JMJD1C: variants seen among roughly 807,000 people sequenced by gnomAD.
The protein encoded by JMJD1C is jumonji domain-containing protein 1C.
In JMJD1C, 31 loss-of-function variants were observed where a neutral mutation model predicts 245.3. That is an observed-to-expected ratio of 0.13 (90% CI 0.09 to 0.17). The LOEUF (loss-of-function observed/expected upper bound fraction) is 0.17. Ranked by LOEUF, JMJD1C falls within the 10% of genes least tolerant of loss-of-function variation. The pLI, the probability that JMJD1C is intolerant of heterozygous loss-of-function variation, is 1.00. For synonymous variants in JMJD1C, 1,057 were observed against 1,017.4 expected (o/e 1.04, Z -0.74); for missense variants, 2,691 against 3,000.2 (o/e 0.90, Z 2.41).
At chr10:63,337,598 G>GAA (rs200743415) in intron 2 of JMJD1C, among the ~76,000 whole-genome samples, 1 of 104,248 alleles carries the variant, frequency 9.6e-6, no homozygotes, top group African/African-American at 6.0e-5. Context: ...GAAAAGAAAA[G>GAA]AAAAGAAAAG....
exon 1 of JMJD1C, chr10:63,521,801 TGCGACGGCGGCG>T: frequency 3.3e-6 from 1 of 301,210 alleles, no homozygotes; most frequent in East Asian, 5.2e-5. Flanking sequence ...CGACTGCGGC[TGCGACGGCGGCG>T]GCGGCTGTGG....
intron 3 of JMJD1C, among the ~76,000 whole-genome samples, chr10:63,257,064 T>C (rs1309194512): frequency 1.3e-5 from 2 of 151,776 alleles, no homozygotes; most frequent in African/African-American, 4.8e-5. Flanking sequence ...GGTGAAACCC[T>C]GTCTCTACTA....
At chr10:63,504,367 G>A (rs560602766) in intron 1 of JMJD1C, among the ~76,000 whole-genome samples, 2 of 152,250 alleles carry the variant, frequency 1.3e-5, no homozygotes, top group South Asian at 2.1e-4. Context: ...GTGATTAGGT[G>A]GTTAGGTGAG....
At chr10:63,337,634 G>GAAAAAGAAAAGAAAAGAAAAA (rs1942968429) in intron 2 of JMJD1C, among the ~76,000 whole-genome samples, 2 of 142,540 alleles carry the variant, frequency 1.4e-5, no homozygotes, top group Admixed American at 6.9e-5. Context: ...AAAAAGAAAA[G>GAAAAAGAAAAGAAAAGAAAAA]AAAAAAAATC....
intron 10 of JMJD1C, chr10:63,204,328 GA>G (rs1453597600): frequency 8.1e-6 from 8 of 984,904 alleles, no homozygotes; most frequent in Non-Finnish European, 8.4e-6. Context: ...CAACCTGGGG[GA>G]AAAAAAGGCA....
chr10:63,286,647 C>T (rs1589388175), intron 2 of JMJD1C, among the ~76,000 whole-genome samples: 1 of 152,220 alleles, frequency 6.6e-6, no homozygotes, highest in African/African-American at 2.4e-5. Flanking sequence ...TTAAACTTTA[C>T]CCAATTATAC....
chr10:63,457,637 A>G (rs990119407), intron 1 of JMJD1C, among the ~76,000 whole-genome samples: 2 of 152,218 alleles, frequency 1.3e-5, no homozygotes, highest in African/African-American at 2.4e-5. Flanking sequence ...GACTTAAACC[A>G]TAGGGCTATA....
intron 1 of JMJD1C, among the ~76,000 whole-genome samples, chr10:63,493,726 T>C (rs1954256925): frequency 6.6e-6 from 1 of 152,198 alleles, no homozygotes; most frequent in South Asian, 2.1e-4. Context: ...ATGTTCTCTT[T>C]TTGAACATAA....
At chr10:63,341,777 G>A (rs910371096) in intron 2 of JMJD1C, among the ~76,000 whole-genome samples, 3 of 152,156 alleles carry the variant, frequency 2.0e-5, no homozygotes, top group Non-Finnish European at 4.4e-5. Context: ...TGCGACCAGG[G>A]TATCTTTAGA....
chr10:63,219,743 T>C, intron 4 of JMJD1C, 135 bp downstream of exon 4: 1 of 541,292 alleles, frequency 1.8e-6, no homozygotes, highest in Non-Finnish European at 3.4e-6. Flanking sequence ...TCTGCTATTA[T>C]TTTCCTGGAT....
rs1213838205 is a variant in JMJD1C at position 63,492,146 on chromosome 10, G to A, written n.113+29592C>T. ...CCTCCTGGGCTCAAGGGATCCTCCC[G>A]CCTCAGCCCCGGAAGCAGCTGGGAC... On this transcript the variant is annotated intron_variant and non_coding_transcript_variant, in intron 1 of 3. Coordinates refer to the JMJD1C transcript ENST00000633035. Among the ~76,000 whole-genome samples the A allele has an allele frequency of 3.3e-5, 5 of 152,194 alleles. No individual in the cohort carries two copies. In the East Asian group the frequency reaches 7.7e-4, roughly 23 times the overall value.
chr10:63,318,613 T>A (rs1206918973), intron 2 of JMJD1C, among the ~76,000 whole-genome samples: 1 of 152,092 alleles, frequency 6.6e-6, no homozygotes, highest in Non-Finnish European at 1.5e-5. Context: ...TGTCCAGAAC[T>A]CTTACGTAAG....
rs113424204 is a variant in JMJD1C at position 63,254,238 on chromosome 10, C to T, written c.447+10413G>A. 8.9e-3 allele frequency among the ~76,000 whole-genome samples: 1,342 copies of T among 151,600 alleles called. 15 individuals carry two copies. The highest frequency in any genetic ancestry group is 0.037 in the South Asian group (179 of 4,796). ...AAAACAGCAAAACAAAACTAGACAG[C>T]TGAAAAAAAAGAGACTAGAAAACAT... On this transcript the variant is annotated intron_variant, in intron 3 of 25. Transcript: ENST00000399262.
chr10:63,207,378 C>T lies in JMJD1C; in HGVS notation c.4291G>A (p.Glu1431Lys), dbSNP rs1257805799. The T allele has an allele frequency of 4.3e-6, 7 of 1,613,898 alleles. No individual in the cohort carries two copies. Among genetic ancestry groups the T allele is most frequent in the Non-Finnish European group, 5.9e-6 (7 of 1,180,036 alleles). ...CTGACACTTTTTGAAGATACACATT[C>T]TGATGATGTAGAGGCCAAAATGGTA... ...SNTILASTSS[E>K]CVSSKSVSQP... Residue 1431 changes from glutamate to lysine, a missense_variant, in exon 10 of 26, where the codon GAA becomes AAA. Around this residue, in one of 9 missense-constraint regions of JMJD1C, gnomAD observed 1,562 missense variants for 1,490.7 expected, o/e 1.05. Transcript: ENST00000399262.
chr10:63,380,588 C>T (rs1285969821), intron 1 of JMJD1C, 106 bp from the exon 2 acceptor site: 4 of 769,928 alleles, frequency 5.2e-6, no homozygotes, highest in African/African-American at 3.5e-5. Flanking sequence ...CATATGATAT[C>T]GTGATACATG....
chr10:63,249,284 T>C (rs914796131), intron 3 of JMJD1C, among the ~76,000 whole-genome samples: 7 of 152,036 alleles, frequency 4.6e-5, no homozygotes, highest in East Asian at 3.9e-4. Context: ...CCATTGCACT[T>C]CAGCCTGGGT....
In JMJD1C at chr10:63,217,274, T is replaced by C; in HGVS notation, c.611A>G (p.Gln204Arg). 6.2e-7 allele frequency: 1 copy of C among 1,611,680 alleles called. No homozygotes were observed. Among genetic ancestry groups the C allele is most frequent in the Non-Finnish European group, 8.5e-7 (1 of 1,178,214 alleles). ...VRVYRQDSAT[Q>R]WFTGIITHHD... ...ATGAGTAATTATGCCAGTAAACCACTGGGTGGCAGAGTCTTGTCTATATAC... is the reference window on the plus strand; with the variant it reads ...ATGAGTAATTATGCCAGTAAACCACCGGGTGGCAGAGTCTTGTCTATATAC... Residue 204 changes from glutamine to arginine, a missense_variant, in exon 5 of 26, where the codon CAG becomes CGG. Physicochemically the swap from Gln to Arg is conservative, Grantham distance 43 (BLOSUM62 1). Around this residue, in one of 9 missense-constraint regions of JMJD1C, gnomAD observed 172 missense variants for 240.8 expected, o/e 0.71. Coordinates refer to ENST00000399262, the MANE Select transcript of JMJD1C (RefSeq NM_032776.3).
chr10:63,431,926 C>T (rs187347171), intron 1 of JMJD1C, among the ~76,000 whole-genome samples: 4 of 152,310 alleles, frequency 2.6e-5, no homozygotes, highest in East Asian at 1.9e-4. Flanking sequence ...GCAGGACAAT[C>T]GCTTGAACCC....
chr10:63,178,190 T>C (rs1447252717), intron 22 of JMJD1C, among the ~76,000 whole-genome samples: 2 of 152,122 alleles, frequency 1.3e-5, no homozygotes, highest in African/African-American at 4.8e-5. Flanking sequence ...ATCCACCTGC[T>C]TGGGCCTCCC....
Sources: gnomAD v4.1 joint callset for allele counts (sites outside exome capture counted in the v4.1 genomes callset) on GRCh38, gnomAD v4.1.1 for gene constraint, gnomAD v4.1.1 regional missense constraint, MANE v1.5 for transcripts, NCBI Gene and HGNC (gene_info 2026-07-23, HGNC 2026-07-21) for gene names.